Variants in CFI observed in about 807,000 individuals in gnomAD.
CFI encodes the protein complement factor I.
In CFI, 66 loss-of-function variants were observed where a neutral mutation model predicts 78.8. That is an observed-to-expected ratio of 0.84 (90% CI 0.69 to 1.03). CFI has a LOEUF of 1.03. Among genes scored for constraint, CFI ranks in the 50% least tolerant of loss-of-function variants. The probability of loss-of-function intolerance (pLI) is 0.00; values close to 1 mark genes in which losing one functional copy is unlikely to be tolerated. For missense variants in CFI, 706 were observed against 704.5 expected (o/e 1.00, Z -0.02); for synonymous variants, 250 against 232.6 (o/e 1.07, Z -0.68).
At chr4:109,785,305 T>A (rs1730604142) in intron 1 of CFI, among the ~76,000 whole-genome samples, 1 of 152,114 alleles carries the variant, frequency 6.6e-6, no homozygotes, top group Non-Finnish European at 1.5e-5. Flanking sequence ...TGAAAAATTT[T>A]AAAAATAATG....
chr4:109,762,801 A>G (rs1427319880), intron 3 of CFI, among the ~76,000 whole-genome samples: 1 of 152,206 alleles, frequency 6.6e-6, no homozygotes, highest in Non-Finnish European at 1.5e-5. Context: ...ACTATATAAA[A>G]TGCCATCTTC....
chr4:109,756,162 G>C (rs1412409341), intron 7 of CFI, among the ~76,000 whole-genome samples: 1 of 152,074 alleles, frequency 6.6e-6, no homozygotes, highest in Non-Finnish European at 1.5e-5. Flanking sequence ...GAAGAGGAAT[G>C]GGAGTAAGGT....
At chr4:109,781,879 CACA>C (rs147924483) in intron 1 of CFI, among the ~76,000 whole-genome samples, 12,436 of 152,056 alleles carry the variant, frequency 0.082, 649 homozygotes, top group South Asian at 0.18. Flanking sequence ...AAATGTGATA[CACA>C]ACATAAGCAG....
chr4:109,769,712 A>G lies in CFI; in HGVS notation c.58-2888T>C, dbSNP rs569298990. Among the ~76,000 whole-genome samples the G allele has an allele frequency of 6.6e-5, 10 of 152,216 alleles. No homozygotes were observed. The East Asian group carries it at 1.2e-3, about 18-fold the overall frequency. ...CTTCTCAGCTCCAGTATCCAACAGTACTAGCCCGTTTCTGCTGAGGTTGCT... is the reference window on the plus strand; with the variant it reads ...CTTCTCAGCTCCAGTATCCAACAGTGCTAGCCCGTTTCTGCTGAGGTTGCT... On this transcript the variant is annotated intron_variant, in intron 1 of 12. Transcript: ENST00000394634.
At chr4:109,774,347 T>C (rs1278860746) in intron 1 of CFI, among the ~76,000 whole-genome samples, 1 of 152,144 alleles carries the variant, frequency 6.6e-6, no homozygotes, top group East Asian at 1.9e-4. Flanking sequence ...TTTTATAGGG[T>C]TGTCAGAGAA....
intron 1 of CFI, among the ~76,000 whole-genome samples, chr4:109,788,119 C>T (rs568819524): frequency 6.6e-5 from 10 of 152,078 alleles, no homozygotes; most frequent in South Asian, 4.2e-4. Flanking sequence ...ATAATCAGCC[C>T]GCAAAGGGCA....
intron 11 of CFI, among the ~76,000 whole-genome samples, chr4:109,743,460 G>A (rs1724049034): frequency 6.6e-6 from 1 of 152,096 alleles, no homozygotes; most frequent in Non-Finnish European, 1.5e-5. Flanking sequence ...ACTTTAAGGT[G>A]GTCAGTAAAC....
rs200068862 is a variant in CFI, at chr4:109,746,241, A to G, written c.1410T>C (p.Ser470=). Residue 470 remains serine (S), a synonymous_variant, in exon 11 of 13, where the codon TCT becomes TCC. Coordinates refer to ENST00000394634, the MANE Select transcript of CFI (RefSeq NM_000204.5). ...ATATACCTTTTTCTCGTCCCCAGCCAGAAACGATGCATGTATCATTAGGTT... is the reference window on the plus strand; with the variant it reads ...ATATACCTTTTTCTCGTCCCCAGCCGGAAACGATGCATGTATCATTAGGTT... ...LFQPNDTCIV[S]GWGREKDNER... The G allele has an allele frequency of 1.0e-4, 161 of 1,614,200 alleles. No individual in the cohort carries two copies. In the East Asian group the frequency reaches 3.2e-3, roughly 32 times the overall value.
At chr4:109,752,307 C>G (rs1725241659) in intron 8 of CFI, among the ~76,000 whole-genome samples, 161 bp downstream of exon 8, 1 of 152,052 alleles carries the variant, frequency 6.6e-6, no homozygotes, top group Non-Finnish European at 1.5e-5. Context: ...GCTTGCTTTT[C>G]TTAAAAGTGA....
At position 109,753,463 on chromosome 4, in the gene CFI, AT is replaced by A. The variant is rs1725578252; in HGVS notation, c.905-961del. ...TTATATAATAAATATTTATATATATATTTATATTAATAAATATTTATAATAA... is the reference window on the plus strand; with the variant it reads ...TTATATAATAAATATTTATATATATATTATATTAATAAATATTTATAATAA... On this transcript the variant is annotated intron_variant, in intron 7 of 12. Coordinates refer to ENST00000394634, the MANE Select transcript of CFI (RefSeq NM_000204.5). 2.2e-5 allele frequency among the ~76,000 whole-genome samples: 2 copies of A among 89,536 alleles called. 1 individual carries two copies. The highest frequency in any genetic ancestry group is 9.1e-5 in the African/African-American group (2 of 21,900). The allele number at this position is 89,536 out of a possible 152,430, so 58.7% of individuals were successfully genotyped here.
chr4:109,741,328 T>C (rs979928459), intron 12 of CFI: 20 of 985,338 alleles, frequency 2.0e-5, no homozygotes, highest in Non-Finnish European at 2.3e-5. Context: ...CAATTCAGCA[T>C]GTTCTTCCTG....
At chr4:109,758,767 G>T (rs535283323) in intron 6 of CFI, among the ~76,000 whole-genome samples, 17 of 152,298 alleles carry the variant, frequency 1.1e-4, no homozygotes, top group South Asian at 6.2e-4. Flanking sequence ...GACATTATGT[G>T]TAACAGGAAA....
chr4:109,755,968 T>C (rs1038663435), intron 7 of CFI, among the ~76,000 whole-genome samples: 9 of 152,032 alleles, frequency 5.9e-5, no homozygotes, highest in African/African-American at 1.4e-4. Flanking sequence ...GAACACACAG[T>C]AACATGGACA....
At chr4:109,782,589 G>A (rs1358169602) in intron 1 of CFI, among the ~76,000 whole-genome samples, 1 of 151,926 alleles carries the variant, frequency 6.6e-6, no homozygotes. Context: ...TTGTGAAAAT[G>A]CCCATACCGC....
At chr4:109,742,643 CTAAA>C in intron 11 of CFI, 48 bp from the exon 12 acceptor site, 1 of 1,117,650 alleles carries the variant, frequency 8.9e-7, no homozygotes, top group Non-Finnish European at 1.4e-6. Context: ...AATGAGAAAT[CTAAA>C]TACATACTCT....
rs375760263 is a variant in CFI, at chr4:109,750,142, G to A, written c.941-540C>T. ...CTCCCAAGTAGCTGGGATTACAGGC[G>A]CCCACCCCCACGCCCAGCTAATTTT... On this transcript the variant is annotated intron_variant, in intron 8 of 12. Transcript: ENST00000394634. 2.3e-3 allele frequency among the ~76,000 whole-genome samples: 347 copies of A among 151,772 alleles called. 1 individual carries two copies. Among genetic ancestry groups the A allele is most frequent in the African/African-American group, 8.1e-3 (337 of 41,378 alleles).
At chr4:109,757,182 C>G (rs999714521) in intron 7 of CFI, among the ~76,000 whole-genome samples, 1 of 151,612 alleles carries the variant, frequency 6.6e-6, no homozygotes, top group African/African-American at 2.4e-5. Context: ...GCTCCCGCCA[C>G]CACGCCAGGA....
chr4:109,749,643 C>G lies in CFI; in HGVS notation c.941-41G>C, dbSNP rs375332621. ...AGATTACATCATTATTATCTTGAAC[C>G]CATTAGCGTTTTTAACACACTTCTT... On this transcript the variant is annotated intron_variant, in intron 8 of 12. Coordinates refer to ENST00000394634, the MANE Select transcript of CFI (RefSeq NM_000204.5). 8 of 1,343,348 alleles carry G rather than the reference C, an allele frequency of 6.0e-6. No homozygotes were observed. The African/African-American group carries it at 8.6e-5, about 14-fold the overall frequency. The allele number at this position is 1,343,348 out of a possible 1,614,324, so 83.2% of individuals were successfully genotyped here.
intron 8 of CFI, among the ~76,000 whole-genome samples, chr4:109,751,465 G>A (rs1297290639): frequency 1.0e-5 from 1 of 98,922 alleles, no homozygotes; most frequent in Non-Finnish European, 1.9e-5. Context: ...TTTTTGAGAT[G>A]GAGTCTCACT....
Sources: gnomAD v4.1 joint callset for allele counts (sites outside exome capture counted in the v4.1 genomes callset) on GRCh38, gnomAD v4.1.1 for gene constraint, MANE v1.5 for transcripts, NCBI Gene and HGNC (gene_info 2026-07-23, HGNC 2026-07-21) for gene names.